Variants in SMCO2 observed in about 807,000 individuals in gnomAD.
The protein encoded by SMCO2 is single-pass membrane protein with coiled-coil domains 2.
Under a neutral mutation model 29.5 loss-of-function variants are expected in SMCO2, and 25 were observed. The observed-to-expected ratio is 0.85, with a 90% CI of 0.62 to 1.18. SMCO2 has a LOEUF of 1.18. Ranked by LOEUF, SMCO2 falls within the 50% of genes most tolerant of loss-of-function variation. The pLI, the probability that SMCO2 is intolerant of heterozygous loss-of-function variation, is 0.00. For missense variants in SMCO2, 348 were observed against 344.5 expected, an observed-to-expected ratio of 1.01 and a Z score of -0.08; for synonymous variants, 117 against 123.3, an observed-to-expected ratio of 0.95 and a Z score of 0.34.
At chr12:27,487,753 CTTTT>C (rs143131425) in intron 4 of SMCO2, among the ~76,000 whole-genome samples, 4 of 129,456 alleles carry the variant, frequency 3.1e-5, no homozygotes, top group Admixed American at 7.7e-5. Context: ...TCTTTTCTTT[CTTTT>C]TTTTTTTTTT....
chr12:27,450,308 A>G, the SMCO2 span, among the ~76,000 whole-genome samples: 123,856 of 147,152 alleles, frequency 0.84, 51,503 homozygotes, highest in Middle Eastern at 0.94. Flanking sequence ...CCCTGCCCCC[A>G]CCCCCCACCA....
chr12:27,473,056 A>ATGC, intron 3 of SMCO2, 181 bp downstream of exon 3: 1 of 534,652 alleles, frequency 1.9e-6, no homozygotes, highest in East Asian at 3.1e-5. Context: ...TTCCCACTGG[A>ATGC]TGCTGCTGTT....
chr12:27,447,577 C>T, the SMCO2 span, among the ~76,000 whole-genome samples: 75 of 152,064 alleles, frequency 4.9e-4, no homozygotes, highest in African/African-American at 1.8e-3. Context: ...GGCAACACAG[C>T]AAAACCTTGT....
chr12:27,437,226 G>A, the SMCO2 span, among the ~76,000 whole-genome samples: 1 of 152,092 alleles, frequency 6.6e-6, no homozygotes, highest in Non-Finnish European at 1.5e-5. Flanking sequence ...AGCTATGATG[G>A]TGCTACCGTA....
exon 7 of SMCO2, chr12:27,495,753 C>T (rs758477943): frequency 1.6e-5 from 24 of 1,540,304 alleles, no homozygotes; most frequent in Middle Eastern, 1.7e-4. Context: ...GACACTGACT[C>T]TCACAGTTCT....
chr12:27,497,208 T>G (rs1469407896), intron 7 of SMCO2: 1 of 153,544 alleles, frequency 6.5e-6, no homozygotes, highest in East Asian at 1.9e-4. Flanking sequence ...TGTCACATTC[T>G]GTTCCAGAGT....
At chr12:27,454,658 G>T in the SMCO2 span, among the ~76,000 whole-genome samples, 2 of 152,172 alleles carry the variant, frequency 1.3e-5, no homozygotes, top group Non-Finnish European at 2.9e-5. Context: ...CACGTGCCAT[G>T]GTGGTTTGCT....
At chr12:27,469,478 T>G (rs1047093324) in intron 1 of SMCO2, among the ~76,000 whole-genome samples, 1 of 152,178 alleles carries the variant, frequency 6.6e-6, no homozygotes, top group Non-Finnish European at 1.5e-5. Context: ...AGGGCCTCCC[T>G]TCTCCCTGAT....
chr12:27,434,244 C>A, the SMCO2 span, among the ~76,000 whole-genome samples: 1 of 152,284 alleles, frequency 6.6e-6, no homozygotes, highest in African/African-American at 2.4e-5. Flanking sequence ...AATTCCTGCG[C>A]CCCACCTGAG....
At chr12:27,464,083 T>G (rs1302833463), upstream of SMCO2, among the ~76,000 whole-genome samples, 1 of 152,138 alleles carries the variant, frequency 6.6e-6, no homozygotes, top group Non-Finnish European at 1.5e-5. Context: ...CGTTTATAAC[T>G]AATGGAATAG....
chr12:27,478,597 GGTAGATA>G (rs1949611557), intron 4 of SMCO2, among the ~76,000 whole-genome samples: 1 of 152,010 alleles, frequency 6.6e-6, no homozygotes, highest in South Asian at 2.1e-4. Context: ...GTCATGCATG[GGTAGATA>G]CCAGTGATGG....
At chr12:27,451,323 G>A in the SMCO2 span, among the ~76,000 whole-genome samples, 2 of 152,108 alleles carry the variant, frequency 1.3e-5, no homozygotes, top group Non-Finnish European at 2.9e-5. Context: ...ACATTGTGGG[G>A]AGAGGGGGAC....
At chr12:27,491,710 CTTT>C (rs370875488) in intron 5 of SMCO2, among the ~76,000 whole-genome samples, 1 of 143,546 alleles carries the variant, frequency 7.0e-6, no homozygotes. Flanking sequence ...ATATATAGAT[CTTT>C]TTTTTTTTTT....
intron 4 of SMCO2, among the ~76,000 whole-genome samples, chr12:27,476,072 T>G (rs988237604): frequency 2.6e-5 from 4 of 152,214 alleles, no homozygotes; most frequent in Non-Finnish European, 5.9e-5. Flanking sequence ...TTGTTTTCAT[T>G]TGTCTCAAGC....
the SMCO2 span, among the ~76,000 whole-genome samples, chr12:27,440,219 T>G: frequency 6.6e-6 from 1 of 151,918 alleles, no homozygotes; most frequent in African/African-American, 2.4e-5. Flanking sequence ...AAAAGAAAAA[T>G]AAAAACCTGT....
At chr12:27,474,201 T>C (rs1450526415) in intron 3 of SMCO2, among the ~76,000 whole-genome samples, 6 of 152,228 alleles carry the variant, frequency 3.9e-5, no homozygotes, top group African/African-American at 1.2e-4. Context: ...GATATCTCAT[T>C]CCTGTTTACT....
chr12:27,447,883 C>T, the SMCO2 span, among the ~76,000 whole-genome samples: 1 of 152,158 alleles, frequency 6.6e-6, no homozygotes, highest in African/African-American at 2.4e-5. Context: ...TGGACTTACG[C>T]GTCTGAGCCC....
At chr12:27,474,798 C>A in exon 4 of SMCO2, 1 of 1,551,644 alleles carries the variant, frequency 6.4e-7, no homozygotes, top group East Asian at 2.4e-5. Flanking sequence ...TATGTTGGAG[C>A]TAGAGGCTGA....
At chr12:27,479,035 T>C (rs977789787) in intron 4 of SMCO2, among the ~76,000 whole-genome samples, 2 of 152,050 alleles carry the variant, frequency 1.3e-5, no homozygotes, top group African/African-American at 2.4e-5. Flanking sequence ...TAGGGGTGGG[T>C]TGAACAGGAC....
Sources: gnomAD v4.1 joint callset for allele counts (sites outside exome capture counted in the v4.1 genomes callset) on GRCh38, gnomAD v4.1.1 for gene constraint, MANE v1.5 for transcripts, NCBI Gene and HGNC (gene_info 2026-07-23, HGNC 2026-07-21) for gene names.